Variants in EBF1 observed in about 807,000 individuals in gnomAD.
The protein encoded by EBF1 is EBF transcription factor 1, also known as transcription factor COE1.
EBF1 carries 10 observed loss-of-function variants against 68.4 expected under a neutral mutation model. The ratio of observed to expected loss-of-function variants is 0.15; its 90% CI spans 0.09 to 0.25. EBF1 has a LOEUF of 0.25. EBF1 is among the 10% of genes least tolerant of loss of function. The pLI is 1.00. For missense variants in EBF1, 509 were observed against 794.4 expected, an observed-to-expected ratio of 0.64 and a Z score of 4.32; for synonymous variants, 298 against 299.8, an observed-to-expected ratio of 0.99 and a Z score of 0.06.
chr5:158,793,810 T>G (rs1779136136), intron 9 of EBF1, among the ~76,000 whole-genome samples: 1 of 152,226 alleles, frequency 6.6e-6, no homozygotes, highest in Admixed American at 6.5e-5. Context: ...ACAATGGATT[T>G]CTTTATTTGG....
chr5:158,738,083 G>A (rs182619245), intron 10 of EBF1, among the ~76,000 whole-genome samples: 560 of 152,240 alleles, frequency 3.7e-3, no homozygotes, highest in Non-Finnish European at 6.6e-3. Context: ...CATTCATGTA[G>A]AAGCATGATT....
chr5:158,752,519 G>A (rs915565357), intron 10 of EBF1, among the ~76,000 whole-genome samples: 1 of 152,020 alleles, frequency 6.6e-6, no homozygotes, highest in African/African-American at 2.4e-5. Flanking sequence ...AGCGTGACAA[G>A]AGAATGTTAA....
Position 158,847,051 on chromosome 5 carries a change from C to T in EBF1, c.555-6941G>A, listed in dbSNP as rs138671946. Among the ~76,000 whole-genome samples the T allele has an allele frequency of 1.3e-3, 199 of 152,268 alleles. 1 individual carries two copies. Among genetic ancestry groups the T allele is most frequent in the African/African-American group, 4.3e-3 (179 of 41,572 alleles). On this transcript the variant is annotated intron_variant, in intron 6 of 15. Transcript: ENST00000313708. ...GGGAGAGCATGTGGCTGCCCCTATT[C>T]TTGGCCACTGATTTCAAGAAGTTTA...
At chr5:158,704,245 T>C (rs531698918) in intron 15 of EBF1, among the ~76,000 whole-genome samples, 8 of 152,308 alleles carry the variant, frequency 5.3e-5, no homozygotes, top group African/African-American at 1.9e-4. Context: ...ATCACCACCA[T>C]GTGACATGGC....
At chr5:158,829,405 A>G (rs1786975914) in intron 7 of EBF1, among the ~76,000 whole-genome samples, 1 of 150,354 alleles carries the variant, frequency 6.7e-6, no homozygotes, top group Non-Finnish European at 1.5e-5. Flanking sequence ...GACTGGTCTC[A>G]AACTCCTGGG....
At position 158,989,261 on chromosome 5, in the gene EBF1, A is replaced by T. The variant is rs572165061; in HGVS notation, c.554+84135T>A. On this transcript the variant is annotated intron_variant, in intron 6 of 15. Transcript: ENST00000313708. ...ATTGGAGAAGAAGGGCTTTCTGCAA[A>T]GCCTCCTCTTCAATCCCCAGGTCAG... Among the ~76,000 whole-genome samples the T allele has an allele frequency of 1.3e-3, 205 of 152,304 alleles. 2 individuals carry two copies. The highest frequency in any genetic ancestry group is 4.7e-3 in the African/African-American group (195 of 41,570).
intron 6 of EBF1, among the ~76,000 whole-genome samples, chr5:158,956,237 G>T (rs78843301): frequency 6.6e-6 from 1 of 152,254 alleles, no homozygotes; most frequent in Middle Eastern, 3.4e-3. Flanking sequence ...AGGCTTTTCA[G>T]ATCAAGTTCT....
chr5:158,844,187 C>G (rs1790913114), intron 6 of EBF1, among the ~76,000 whole-genome samples: 1 of 82,462 alleles, frequency 1.2e-5, no homozygotes, highest in Non-Finnish European at 2.7e-5. Flanking sequence ...TTAACTCAAG[C>G]CTTTTTTTTT....
intron 6 of EBF1, among the ~76,000 whole-genome samples, chr5:159,067,268 C>T (rs1487443110): frequency 1.3e-5 from 2 of 152,142 alleles, no homozygotes; most frequent in African/African-American, 2.4e-5. Flanking sequence ...CAGAGGACTT[C>T]GTACTGCTTT....
intron 10 of EBF1, among the ~76,000 whole-genome samples, chr5:158,771,694 A>T (rs1056845144): frequency 1.3e-5 from 2 of 152,164 alleles, no homozygotes; most frequent in African/African-American, 2.4e-5. Flanking sequence ...GATGAATGGG[A>T]TGGTTTTAGC....
At chr5:158,865,737 CT>C (rs1363763805) in intron 6 of EBF1, among the ~76,000 whole-genome samples, 2 of 152,304 alleles carry the variant, frequency 1.3e-5, no homozygotes, top group South Asian at 2.1e-4. Flanking sequence ...TCACTCTAAT[CT>C]GATCACAGTA....
At chr5:159,027,676 G>A (rs751452215) in intron 6 of EBF1, among the ~76,000 whole-genome samples, 6 of 152,136 alleles carry the variant, frequency 3.9e-5, no homozygotes, top group East Asian at 1.9e-4. Context: ...CTTTATCATA[G>A]TCACTGCCTG....
At chr5:158,881,489 G>A (rs1798894550) in intron 6 of EBF1, among the ~76,000 whole-genome samples, 1 of 152,196 alleles carries the variant, frequency 6.6e-6, no homozygotes, top group Non-Finnish European at 1.5e-5. Context: ...CTCTGTGTTA[G>A]TACAAGGAGG....
chr5:158,834,808 G>A (rs1013062537), intron 7 of EBF1, among the ~76,000 whole-genome samples: 3 of 152,182 alleles, frequency 2.0e-5, no homozygotes, highest in Non-Finnish European at 2.9e-5. Flanking sequence ...ACGCTCCTGC[G>A]TTGCTATATG....
chr5:159,091,446 T>C (rs1561995937), intron 4 of EBF1, among the ~76,000 whole-genome samples: 1 of 152,228 alleles, frequency 6.6e-6, no homozygotes, highest in East Asian at 1.9e-4. Flanking sequence ...ATTTTTGACA[T>C]GTTACCAAAG....
intron 15 of EBF1, among the ~76,000 whole-genome samples, chr5:158,702,671 G>A (rs553547517): frequency 5.3e-5 from 8 of 149,660 alleles, no homozygotes; most frequent in African/African-American, 2.0e-4. Flanking sequence ...ATGAACCTGG[G>A]AGGCAGAGCT....
chr5:159,072,507 G>A (rs1777994505), intron 6 of EBF1, among the ~76,000 whole-genome samples: 1 of 152,114 alleles, frequency 6.6e-6, no homozygotes, highest in Non-Finnish European at 1.5e-5. Flanking sequence ...CTCAATGAGG[G>A]ATCGGTCAGT....
intron 6 of EBF1, among the ~76,000 whole-genome samples, chr5:159,039,411 T>C (rs1020521599): frequency 1.3e-5 from 2 of 152,234 alleles, no homozygotes; most frequent in Admixed American, 6.5e-5. Flanking sequence ...GTTGTTATAT[T>C]GTACTAGTTA....
At chr5:158,905,431 A>T (rs1168903458) in intron 6 of EBF1, among the ~76,000 whole-genome samples, 1 of 152,182 alleles carries the variant, frequency 6.6e-6, no homozygotes, top group Non-Finnish European at 1.5e-5. Context: ...TCAAGTCTGG[A>T]CAGTGGCATT....
Sources: allele counts gnomAD v4.1 joint callset (sites outside exome capture counted in the v4.1 genomes callset), GRCh38; gene constraint gnomAD v4.1.1; transcripts MANE v1.5; gene names NCBI Gene and HGNC (gene_info 2026-07-23, HGNC 2026-07-21).